Variants in MGAT4C observed in about 807,000 individuals in gnomAD.
The protein encoded by MGAT4C is alpha-1,3-mannosyl-glycoprotein 4-beta-N-acetylglucosaminyltransferase C.
Under a neutral mutation model 40.1 loss-of-function variants are expected in MGAT4C, and 19 were observed. That is an observed-to-expected ratio of 0.47 (90% CI 0.33 to 0.70). The LOEUF is 0.70. Among genes scored for constraint, MGAT4C ranks in the 30% least tolerant of loss-of-function variants. The pLI is 0.02. For missense variants in MGAT4C, 491 were observed against 563.2 expected (o/e 0.87, Z 1.30); for synonymous variants, 181 against 187.1 (o/e 0.97, Z 0.27).
chr12:86,588,854 C>T lies in MGAT4C; in HGVS notation c.-229+138355G>A, dbSNP rs372500649. Among the ~76,000 whole-genome samples, 352 of 151,382 alleles carry T rather than the reference C, an allele frequency of 2.3e-3. 1 individual carries two copies. The highest frequency in any genetic ancestry group is 4.0e-3 in the Non-Finnish European group (268 of 67,770). On this transcript the variant is annotated intron_variant, in intron 2 of 7. Coordinates refer to the MGAT4C transcript ENST00000548651. ...AAATAAAGATGTTCTTTGAAACCAA[C>T]GAGAACAAAGACACAACATACCAGA...
Position 86,602,014 on chromosome 12 carries a change from C to T in MGAT4C, c.-229+125195G>A, listed in dbSNP as rs182900904. ...AGAAACTGGCGCCTGCAGCGGAAGC[C>T]GCGGTACGTCTGGTCCAGTAGCAGC... On this transcript the variant is annotated intron_variant, in intron 2 of 7. Transcript: ENST00000548651. Among the ~76,000 whole-genome samples, 206 of 152,290 alleles carry T rather than the reference C, an allele frequency of 1.4e-3. 1 individual carries two copies. Among genetic ancestry groups the T allele is most frequent in the Non-Finnish European group, 1.6e-3 (112 of 68,026 alleles).
intron 1 of MGAT4C, among the ~76,000 whole-genome samples, chr12:86,197,116 A>T (rs978301090): frequency 6.6e-6 from 1 of 152,186 alleles, no homozygotes; most frequent in African/African-American, 2.4e-5. Flanking sequence ...TCCACAAGAG[A>T]CTAGAACACA....
At chr12:86,377,521 T>C (rs913947847) in intron 3 of MGAT4C, among the ~76,000 whole-genome samples, 6 of 152,234 alleles carry the variant, frequency 3.9e-5, no homozygotes, top group African/African-American at 1.4e-4. Context: ...TTGTGTTCAA[T>C]GCTTTAATCC....
chr12:86,484,309 C>T (rs903852021), intron 2 of MGAT4C, among the ~76,000 whole-genome samples: 1 of 152,206 alleles, frequency 6.6e-6, no homozygotes, highest in Non-Finnish European at 1.5e-5. Context: ...CCCAGCTGGC[C>T]ACCAGGCCAA....
At chr12:86,642,906 C>G (rs193239445) in intron 2 of MGAT4C, among the ~76,000 whole-genome samples, 1 of 151,486 alleles carries the variant, frequency 6.6e-6, no homozygotes, top group Non-Finnish European at 1.5e-5. Flanking sequence ...ATGAAACCTT[C>G]GTACATGATT....
intron 2 of MGAT4C, among the ~76,000 whole-genome samples, chr12:86,454,837 A>C (rs967389132): frequency 6.7e-6 from 1 of 150,146 alleles, no homozygotes; most frequent in Non-Finnish European, 1.5e-5. Context: ...AAATCTGTGT[A>C]AATTCAAGGT....
intron 2 of MGAT4C, among the ~76,000 whole-genome samples, chr12:85,992,021 G>T (rs1451099122): frequency 6.6e-6 from 1 of 152,110 alleles, no homozygotes; most frequent in African/African-American, 2.4e-5. Flanking sequence ...TACGTTTCTG[G>T]CCAGAAAAGC....
chr12:86,438,095 T>G (rs950250411), intron 2 of MGAT4C, among the ~76,000 whole-genome samples: 1 of 151,974 alleles, frequency 6.6e-6, no homozygotes, highest in Non-Finnish European at 1.5e-5. Context: ...AGGCTTCTTA[T>G]GCTAAACAGT....
intron 1 of MGAT4C, among the ~76,000 whole-genome samples, chr12:86,207,748 T>G (rs974220095): frequency 6.6e-6 from 1 of 152,198 alleles, no homozygotes; most frequent in African/African-American, 2.4e-5. Context: ...AAATAGATTA[T>G]GTCTAATTTT....
At chr12:86,235,422 T>C (rs1433986631) in intron 1 of MGAT4C, among the ~76,000 whole-genome samples, 1 of 152,064 alleles carries the variant, frequency 6.6e-6, no homozygotes, top group Non-Finnish European at 1.5e-5. Context: ...CTCCAGTGAC[T>C]TCCTCCTTCA....
intron 1 of MGAT4C, among the ~76,000 whole-genome samples, chr12:86,235,476 T>A (rs1055665671): frequency 5.3e-5 from 8 of 152,072 alleles, no homozygotes; most frequent in Non-Finnish European, 8.8e-5. Context: ...TTACAAGATT[T>A]ATTTTGTAAT....
At chr12:86,141,092 A>T (rs1882776829) in intron 1 of MGAT4C, among the ~76,000 whole-genome samples, 1 of 152,186 alleles carries the variant, frequency 6.6e-6, no homozygotes, top group South Asian at 2.1e-4. Flanking sequence ...TGGTTGAGCT[A>T]GCTTGCTGGT....
chr12:86,485,896 A>G (rs951401867), intron 2 of MGAT4C, among the ~76,000 whole-genome samples: 1 of 152,180 alleles, frequency 6.6e-6, no homozygotes, highest in Non-Finnish European at 1.5e-5. Flanking sequence ...GAAACTTTAC[A>G]AGCCAGAAGA....
intron 1 of MGAT4C, among the ~76,000 whole-genome samples, chr12:86,191,124 CA>C (rs1566117972): frequency 1.7e-3 from 236 of 140,638 alleles, no homozygotes; most frequent in Middle Eastern, 3.6e-3. Flanking sequence ...CACACACACA[CA>C]CACACACACC....
intron 1 of MGAT4C, among the ~76,000 whole-genome samples, chr12:86,140,589 A>G (rs1882692072): frequency 6.6e-6 from 1 of 152,100 alleles, no homozygotes; most frequent in Non-Finnish European, 1.5e-5. Context: ...GCAAACCACC[A>G]TGGTACATGT....
chr12:86,619,605 G>T (rs1962573720), intron 2 of MGAT4C, among the ~76,000 whole-genome samples: 1 of 151,984 alleles, frequency 6.6e-6, no homozygotes, highest in African/African-American at 2.4e-5. Context: ...AGTAACATAA[G>T]GTTATTTTTC....
At chr12:86,180,059 T>G (rs2135862742) in intron 1 of MGAT4C, among the ~76,000 whole-genome samples, 1 of 152,318 alleles carries the variant, frequency 6.6e-6, no homozygotes, top group African/African-American at 2.4e-5. Flanking sequence ...CCCTGTGCTG[T>G]GTGCACCCTT....
At chr12:86,157,024 C>T (rs1885026751) in intron 1 of MGAT4C, among the ~76,000 whole-genome samples, 1 of 151,910 alleles carries the variant, frequency 6.6e-6, no homozygotes, top group Admixed American at 6.6e-5. Flanking sequence ...TATTTCTTAA[C>T]CTGTATAATC....
At chr12:86,673,011 GATGTA>G (rs1019961243) in intron 2 of MGAT4C, among the ~76,000 whole-genome samples, 2 of 152,060 alleles carry the variant, frequency 1.3e-5, no homozygotes, top group African/African-American at 4.8e-5. Context: ...AAGACACATA[GATGTA>G]ATATATATCT....
Sources: allele counts gnomAD v4.1 joint callset (sites outside exome capture counted in the v4.1 genomes callset), GRCh38; gene constraint gnomAD v4.1.1; transcripts MANE v1.5; gene names NCBI Gene and HGNC (gene_info 2026-07-23, HGNC 2026-07-21).